ADGRB3: variants seen among roughly 807,000 people sequenced by gnomAD.
ADGRB3 encodes brain-specific angiogenesis inhibitor 3.
A neutral mutation model predicts 193.4 loss-of-function variants in ADGRB3; 37 were observed. The observed-to-expected ratio is 0.19, with a 90% CI of 0.15 to 0.25. The LOEUF is 0.25. ADGRB3 is among the 10% of genes least tolerant of loss of function. The pLI is 1.00. For missense variants in ADGRB3, 1,637 were observed against 1,852.9 expected, an observed-to-expected ratio of 0.88 and a Z score of 2.14; for synonymous variants, 690 against 644.2, an observed-to-expected ratio of 1.07 and a Z score of -1.08.
chr6:68,821,019 C>T (rs1767739428), intron 3 of ADGRB3, among the ~76,000 whole-genome samples: 1 of 151,984 alleles, frequency 6.6e-6, no homozygotes, highest in Non-Finnish European at 1.5e-5. Context: ...ATGTCACCTT[C>T]CTTAGGAGTT....
chr6:68,819,094 T>A (rs1767692527), intron 3 of ADGRB3, among the ~76,000 whole-genome samples: 1 of 152,048 alleles, frequency 6.6e-6, no homozygotes, highest in Non-Finnish European at 1.5e-5. Context: ...AGTATATAAA[T>A]ACACCTTTTA....
At chr6:69,085,271 C>G (rs1425330584) in intron 17 of ADGRB3, among the ~76,000 whole-genome samples, 1 of 151,990 alleles carries the variant, frequency 6.6e-6, no homozygotes, top group East Asian at 1.9e-4. Context: ...TCAATAATAG[C>G]AAAACTTGGA....
chr6:69,208,376 T>C (rs556106426), intron 17 of ADGRB3, among the ~76,000 whole-genome samples: 10 of 152,234 alleles, frequency 6.6e-5, no homozygotes, highest in Non-Finnish European at 1.3e-4. Context: ...GTTCCAATCA[T>C]GCTTCTTCCA....
At chr6:69,227,562 T>G (rs965621257) in intron 17 of ADGRB3, among the ~76,000 whole-genome samples, 2 of 152,182 alleles carry the variant, frequency 1.3e-5, no homozygotes, top group Non-Finnish European at 2.9e-5. Context: ...ACTGACAACA[T>G]TTTCTGGGAT....
intron 17 of ADGRB3, among the ~76,000 whole-genome samples, chr6:69,188,995 A>C (rs1388659186): frequency 6.6e-6 from 1 of 152,220 alleles, no homozygotes; most frequent in Non-Finnish European, 1.5e-5. Context: ...ACAGTGTAAG[A>C]AAGATTTTTA....
intron 3 of ADGRB3, among the ~76,000 whole-genome samples, chr6:68,675,080 A>T (rs1033963409): frequency 2.0e-5 from 3 of 152,174 alleles, no homozygotes; most frequent in African/African-American, 7.2e-5. Flanking sequence ...TTTATTACAC[A>T]GTCCTAACAT....
At chr6:69,184,892 T>C (rs1418856286) in intron 17 of ADGRB3, among the ~76,000 whole-genome samples, 1 of 152,106 alleles carries the variant, frequency 6.6e-6, no homozygotes, top group Non-Finnish European at 1.5e-5. Context: ...AATGTCTGAT[T>C]TGAAGATTTG....
At chr6:69,269,701 C>T (rs1037105776) in intron 20 of ADGRB3, among the ~76,000 whole-genome samples, 24 of 152,044 alleles carry the variant, frequency 1.6e-4, no homozygotes, top group Admixed American at 8.5e-4. Flanking sequence ...TCATAGGTAA[C>T]GACTAAAACG....
intron 3 of ADGRB3, among the ~76,000 whole-genome samples, chr6:68,909,850 T>C (rs2150236671): frequency 6.6e-6 from 1 of 152,310 alleles, no homozygotes; most frequent in Admixed American, 6.5e-5. Flanking sequence ...CTATTGTGAA[T>C]AGTGCCACAA....
chr6:69,317,960 A>G (rs532511339), intron 20 of ADGRB3, among the ~76,000 whole-genome samples: 7 of 151,614 alleles, frequency 4.6e-5, no homozygotes, highest in African/African-American at 1.7e-4. Context: ...CTTGCATCCA[A>G]CTAGCCCGTT....
At chr6:68,674,848 T>C (rs1223987809) in intron 3 of ADGRB3, among the ~76,000 whole-genome samples, 1 of 152,198 alleles carries the variant, frequency 6.6e-6, no homozygotes, top group Non-Finnish European at 1.5e-5. Context: ...TCAAAATGTT[T>C]CTAGTTCCAA....
intron 3 of ADGRB3, among the ~76,000 whole-genome samples, chr6:68,780,327 T>C (rs1240803194): frequency 6.6e-6 from 1 of 152,080 alleles, no homozygotes; most frequent in Non-Finnish European, 1.5e-5. Context: ...TTGTTTGTTA[T>C]TTTGAAAACT....
intron 17 of ADGRB3, among the ~76,000 whole-genome samples, chr6:69,129,495 G>A (rs546470832): frequency 3.9e-5 from 6 of 152,144 alleles, no homozygotes; most frequent in African/African-American, 1.4e-4. Flanking sequence ...AAAAACATAA[G>A]AACATTGGAA....
intron 3 of ADGRB3, among the ~76,000 whole-genome samples, chr6:68,755,643 C>T (rs1260803663): frequency 1.3e-5 from 2 of 152,240 alleles, no homozygotes; most frequent in African/African-American, 4.8e-5. Context: ...AGTCAGAGAT[C>T]AACCCAGGGG....
At position 69,362,398 on chromosome 6, in the gene ADGRB3, A is replaced by T. The variant is rs754033825; in HGVS notation, c.4239+886A>T. On this transcript the variant is annotated intron_variant, in intron 29 of 31. Transcript: ENST00000370598. ...GTTGCCTGCCCTTTCCAACCCAGTT[A>T]TGCTGATAATTGTATGTTCAAGTGT... Among the ~76,000 whole-genome samples the T allele has an allele frequency of 2.0e-5, 3 of 151,944 alleles. No homozygotes were observed. The Admixed American group carries it at 2.0e-4, about 10-fold the overall frequency.
chr6:69,006,942 T>A (rs945284275), intron 11 of ADGRB3, among the ~76,000 whole-genome samples: 1 of 152,146 alleles, frequency 6.6e-6, no homozygotes, highest in Non-Finnish European at 1.5e-5. Context: ...TTTTTTTGAC[T>A]GAAAAGCCTC....
At chr6:68,660,960 T>C (rs1418864581) in intron 3 of ADGRB3, among the ~76,000 whole-genome samples, 1 of 150,824 alleles carries the variant, frequency 6.6e-6, no homozygotes, top group Non-Finnish European at 1.5e-5. Flanking sequence ...CTAAAATCAT[T>C]TTGCAAAAAT....
At chr6:69,100,973 AGGAAGGAAGGAAGGAAG>A (rs1773037825) in intron 17 of ADGRB3, among the ~76,000 whole-genome samples, 1 of 56,226 alleles carries the variant, frequency 1.8e-5, no homozygotes, top group African/African-American at 7.1e-5. Context: ...GAGAAAGGGA[AGGAAGGAAGGAAGGAAG>A]GAAGGAAGGG....
intron 3 of ADGRB3, among the ~76,000 whole-genome samples, chr6:68,686,198 G>T (rs1764980055): frequency 6.6e-6 from 1 of 151,900 alleles, no homozygotes; most frequent in African/African-American, 2.4e-5. Flanking sequence ...GCATTGTTGT[G>T]TGGAGAAGGA....
Sources: gnomAD v4.1 joint callset for allele counts (sites outside exome capture counted in the v4.1 genomes callset) on GRCh38, gnomAD v4.1.1 for gene constraint, MANE v1.5 for transcripts, NCBI Gene and HGNC (gene_info 2026-07-23, HGNC 2026-07-21) for gene names.